Variants in EDIL3 observed in about 807,000 individuals in gnomAD.
The protein encoded by EDIL3 is EGF-like repeat and discoidin I-like domain-containing protein 3.
In EDIL3, 37 loss-of-function variants were observed where a neutral mutation model predicts 67.4. The observed-to-expected ratio is 0.55, with a 90% CI of 0.42 to 0.72. The LOEUF is 0.72. EDIL3 is among the 30% of genes least tolerant of loss of function. The probability of loss-of-function intolerance (pLI) is 0.00; values close to 1 mark genes in which losing one functional copy is unlikely to be tolerated. For synonymous variants in EDIL3, 195 were observed against 196.3 expected (o/e 0.99, Z 0.05); for missense variants, 527 against 586.3 (o/e 0.90, Z 1.04).
chr5:84,057,639 A>T (rs374388614), intron 9 of EDIL3, among the ~76,000 whole-genome samples: 51 of 152,182 alleles, frequency 3.4e-4, no homozygotes, highest in African/African-American at 1.2e-3. Context: ...TTTAAAAAAA[A>T]GTCAGCTCTT....
chr5:84,282,773 T>C (rs1209657248), intron 1 of EDIL3, among the ~76,000 whole-genome samples: 3 of 152,240 alleles, frequency 2.0e-5, no homozygotes, highest in African/African-American at 7.2e-5. Context: ...TCAATGAGTA[T>C]AGTATCATAT....
At chr5:84,243,718 G>T (rs1347798218) in intron 2 of EDIL3, among the ~76,000 whole-genome samples, 1 of 152,174 alleles carries the variant, frequency 6.6e-6, no homozygotes, top group African/African-American at 2.4e-5. Flanking sequence ...CTGGCTGAGA[G>T]ATGGAAATTT....
intron 1 of EDIL3, among the ~76,000 whole-genome samples, chr5:84,266,733 C>A (rs1225857586): frequency 6.6e-6 from 1 of 152,142 alleles, no homozygotes; most frequent in Non-Finnish European, 1.5e-5. Flanking sequence ...TTATAACTAG[C>A]CTTAGGCCTA....
intron 1 of EDIL3, among the ~76,000 whole-genome samples, chr5:84,287,413 AAAC>A (rs1474742480): frequency 7.9e-5 from 12 of 152,206 alleles, no homozygotes; most frequent in African/African-American, 2.4e-5. Flanking sequence ...AAATTGAAGA[AAAC>A]AACAGTATTG....
chr5:84,247,061 C>A (rs1439772988), intron 2 of EDIL3, among the ~76,000 whole-genome samples: 1 of 151,900 alleles, frequency 6.6e-6, no homozygotes, highest in Non-Finnish European at 1.5e-5. Flanking sequence ...TCCCTTTGAC[C>A]CTAGTTGACT....
At chr5:84,178,786 G>A (rs767925858) in intron 4 of EDIL3, among the ~76,000 whole-genome samples, 6 of 152,108 alleles carry the variant, frequency 3.9e-5, no homozygotes, top group Admixed American at 3.3e-4. Context: ...AGAAAATAGG[G>A]ACTAGGTGGT....
intron 6 of EDIL3, among the ~76,000 whole-genome samples, chr5:84,091,327 G>A (rs1364431275): frequency 6.6e-6 from 1 of 152,240 alleles, no homozygotes; most frequent in East Asian, 1.9e-4. Flanking sequence ...AGCACATAGT[G>A]CTGAAGTGCT....
chr5:84,235,289 C>G (rs1202746192), intron 2 of EDIL3, among the ~76,000 whole-genome samples: 2 of 152,092 alleles, frequency 1.3e-5, no homozygotes, highest in Non-Finnish European at 2.9e-5. Flanking sequence ...ATGATGTGGT[C>G]AACTCCACAA....
intron 9 of EDIL3, among the ~76,000 whole-genome samples, chr5:84,043,855 A>C (rs1445917899): frequency 6.6e-6 from 1 of 152,202 alleles, no homozygotes; most frequent in Non-Finnish European, 1.5e-5. Context: ...TGATATTCCA[A>C]AGCGGTTCCT....
chr5:84,251,755 C>T (rs1040415649), intron 2 of EDIL3, among the ~76,000 whole-genome samples: 2 of 152,096 alleles, frequency 1.3e-5, no homozygotes, highest in African/African-American at 4.8e-5. Flanking sequence ...ACTGTCAACA[C>T]TTTAAGACTT....
chr5:84,229,605 C>A (rs1006683345), intron 3 of EDIL3, among the ~76,000 whole-genome samples: 3 of 152,104 alleles, frequency 2.0e-5, no homozygotes, highest in South Asian at 2.1e-4. Context: ...TGTCAATGTG[C>A]TATTTTGTAT....
intron 1 of EDIL3, among the ~76,000 whole-genome samples, chr5:84,319,494 C>CAAAAAAAAAA (rs55738450): frequency 2.1e-3 from 90 of 42,820 alleles, no homozygotes; most frequent in East Asian, 3.4e-3. Context: ...CAAAAAACAA[C>CAAAAAAAAAA]AAAAAAAAAA....
At chr5:83,976,636 C>T (rs1441016890) in intron 9 of EDIL3, among the ~76,000 whole-genome samples, 1 of 151,518 alleles carries the variant, frequency 6.6e-6, no homozygotes, top group Non-Finnish European at 1.5e-5. Context: ...TTAATTAATA[C>T]AAAACCATCA....
chr5:84,354,513 C>T lies in EDIL3; in HGVS notation c.67+29795G>A, dbSNP rs189564058. The stretch of plus-strand genomic sequence containing the variant: ...CTCTACTAAAAATACAAAAATTAGC[C>T]GGGTATGGTGGTGCATGCCTGTAAT... On this transcript the variant is annotated intron_variant, in intron 1 of 10. Coordinates refer to ENST00000296591, the MANE Select transcript of EDIL3 (RefSeq NM_005711.5). Among the ~76,000 whole-genome samples, 789 of 151,738 alleles carry T rather than the reference C, an allele frequency of 5.2e-3. 8 individuals carry two copies. Among genetic ancestry groups the T allele is most frequent in the Non-Finnish European group, 5.3e-3 (362 of 67,912 alleles).
chr5:84,381,477 A>G (rs1426549458), intron 1 of EDIL3, among the ~76,000 whole-genome samples: 1 of 152,230 alleles, frequency 6.6e-6, no homozygotes, highest in African/African-American at 2.4e-5. Context: ...ATAAGATAAA[A>G]GAAACTCCTT....
intron 2 of EDIL3, among the ~76,000 whole-genome samples, chr5:84,237,437 A>G (rs951203127): frequency 1.3e-5 from 2 of 152,122 alleles, no homozygotes; most frequent in Non-Finnish European, 2.9e-5. Context: ...TTTGCATTAG[A>G]AAATAGAAGT....
At chr5:84,231,501 C>T (rs1304226407) in intron 2 of EDIL3, among the ~76,000 whole-genome samples, 2 of 152,130 alleles carry the variant, frequency 1.3e-5, no homozygotes, top group African/African-American at 4.8e-5. Flanking sequence ...GAACTTTGTT[C>T]CCAGCGGATT....
chr5:84,006,050 C>A lies in EDIL3; in HGVS notation c.1138-42690G>T, dbSNP rs1745409230. Among the ~76,000 whole-genome samples the A allele has an allele frequency of 2.0e-5, 3 of 149,908 alleles. No individual in the cohort carries two copies. The South Asian group carries it at 6.3e-4, about 31-fold the overall frequency. On this transcript the variant is annotated intron_variant, in intron 9 of 10. Coordinates refer to ENST00000296591, the MANE Select transcript of EDIL3 (RefSeq NM_005711.5). ...GTAATGTCCAAGCTGAAAGTCAGAT[C>A]AAGAATATAATTCCACTCACAATAG...
At chr5:83,970,684 T>TAG (rs1491469489) in intron 9 of EDIL3, among the ~76,000 whole-genome samples, 41 of 131,498 alleles carry the variant, frequency 3.1e-4, no homozygotes, top group African/African-American at 1.1e-3. Context: ...TATATATATA[T>TAG]TTAAGAACAT....
Sources: gnomAD v4.1 joint callset for allele counts (sites outside exome capture counted in the v4.1 genomes callset) on GRCh38, gnomAD v4.1.1 for gene constraint, MANE v1.5 for transcripts, NCBI Gene and HGNC (gene_info 2026-07-23, HGNC 2026-07-21) for gene names.